Variants in PTPRM observed in about 807,000 individuals in gnomAD.
PTPRM encodes the protein receptor-type tyrosine-protein phosphatase mu.
Under a neutral mutation model 186.7 loss-of-function variants are expected in PTPRM, and 47 were observed. The observed-to-expected ratio is 0.25, with a 90% CI of 0.20 to 0.32. PTPRM has a LOEUF of 0.32. PTPRM is among the 10% of genes least tolerant of loss of function. The pLI is 1.00. For missense variants in PTPRM, 1,494 were observed against 1,865.0 expected (o/e 0.80, Z 3.66); for synonymous variants, 668 against 674.9 (o/e 0.99, Z 0.16).
rs570470621 is a variant in PTPRM, at chr18:7,590,929, T to C, written c.73+23038T>C. Among the ~76,000 whole-genome samples, 3 of 152,364 alleles carry C rather than the reference T, an allele frequency of 2.0e-5. No individual in the cohort carries two copies. The South Asian group carries it at 6.2e-4, about 32-fold the overall frequency. On this transcript the variant is annotated intron_variant, in intron 1 of 32. Coordinates refer to ENST00000580170, the MANE Select transcript of PTPRM (RefSeq NM_001105244.2). ...CCATCTTATGATGAGAGAAAGTTAC[T>C]TAAAATAGCTATTATGTGAATTTTG...
chr18:7,735,703 A>C (rs2040754662), intron 1 of PTPRM, among the ~76,000 whole-genome samples: 1 of 152,162 alleles, frequency 6.6e-6, no homozygotes, highest in African/African-American at 2.4e-5. Context: ...AAAGAGATTA[A>C]CTAATAGTCT....
At chr18:7,653,234 C>T (rs1463638718) in intron 1 of PTPRM, among the ~76,000 whole-genome samples, 2 of 151,758 alleles carry the variant, frequency 1.3e-5, no homozygotes, top group African/African-American at 4.8e-5. Flanking sequence ...GCTTTCTCGA[C>T]CTCCTGAGCT....
chr18:8,025,515 A>G lies in PTPRM; in HGVS notation c.1133-44171A>G, dbSNP rs190990165. Among the ~76,000 whole-genome samples, 371 of 152,352 alleles carry G rather than the reference A, an allele frequency of 2.4e-3. 3 individuals carry two copies. The highest frequency in any genetic ancestry group is 8.4e-3 in the African/African-American group (351 of 41,586). The stretch of plus-strand genomic sequence containing the variant: ...TGTCTTGTCTTTAAACCTTCTGGTA[A>G]AAGGTGAATACACTCAAGGAAGGTG... On this transcript the variant is annotated intron_variant, in intron 7 of 32. Transcript: ENST00000580170.
At chr18:8,219,752 G>A (rs2094133698) in intron 14 of PTPRM, among the ~76,000 whole-genome samples, 2 of 152,218 alleles carry the variant, frequency 1.3e-5, no homozygotes, top group African/African-American at 4.8e-5. Flanking sequence ...AAAACTTGGA[G>A]TTAGCAGAAA....
chr18:8,301,422 A>G (rs1219315712), intron 20 of PTPRM, among the ~76,000 whole-genome samples: 1 of 152,188 alleles, frequency 6.6e-6, no homozygotes, highest in Non-Finnish European at 1.5e-5. Context: ...CTCTAAGCTT[A>G]AGGCACACAC....
At chr18:8,164,207 ATT>A (rs1267453226) in intron 14 of PTPRM, among the ~76,000 whole-genome samples, 3 of 152,194 alleles carry the variant, frequency 2.0e-5, no homozygotes, top group African/African-American at 7.2e-5. Context: ...TAATTTTGTG[ATT>A]TGGCAAATAC....
chr18:7,804,586 C>T (rs1025216299), intron 2 of PTPRM, among the ~76,000 whole-genome samples: 1 of 152,178 alleles, frequency 6.6e-6, no homozygotes, highest in Non-Finnish European at 1.5e-5. Flanking sequence ...TTGTTCTCTA[C>T]AGATGGGCCT....
At chr18:8,087,822 A>G (rs2090508745) in intron 10 of PTPRM, among the ~76,000 whole-genome samples, 1 of 152,118 alleles carries the variant, frequency 6.6e-6, no homozygotes, top group South Asian at 2.1e-4. Flanking sequence ...CAAGAAAACG[A>G]CCTCTAGCTT....
At position 7,914,538 on chromosome 18, in the gene PTPRM, T is replaced by A. The variant is rs184108733; in HGVS notation, c.547+7955T>A. Reference sequence around the variant, plus strand: ...TAATGTTTTTCTCACTGAGTAAATATAGGGATTACATTAGTTAATGTACAT... The same window carrying A: ...TAATGTTTTTCTCACTGAGTAAATAAAGGGATTACATTAGTTAATGTACAT... On this transcript the variant is annotated intron_variant, in intron 4 of 32. Coordinates refer to ENST00000580170, the MANE Select transcript of PTPRM (RefSeq NM_001105244.2). Among the ~76,000 whole-genome samples the A allele has an allele frequency of 4.8e-3, 725 of 152,242 alleles. 3 individuals carry two copies. Among genetic ancestry groups the A allele is most frequent in the South Asian group, 0.018 (87 of 4,820 alleles).
intron 21 of PTPRM, among the ~76,000 whole-genome samples, chr18:8,318,753 A>G (rs1417849448): frequency 6.6e-6 from 1 of 152,264 alleles, no homozygotes; most frequent in Non-Finnish European, 1.5e-5. Context: ...TTTGAGGATC[A>G]CTATTGATAT....
At chr18:8,038,105 C>T (rs1208319306) in intron 7 of PTPRM, among the ~76,000 whole-genome samples, 3 of 152,070 alleles carry the variant, frequency 2.0e-5, no homozygotes, top group Non-Finnish European at 2.9e-5. Flanking sequence ...ATGAAGATGT[C>T]TCCCCAAATA....
chr18:8,138,629 A>G (rs59147055), intron 13 of PTPRM, among the ~76,000 whole-genome samples: 14 of 152,270 alleles, frequency 9.2e-5, no homozygotes, highest in African/African-American at 2.9e-4. Context: ...AGACCAGCGC[A>G]TCTGCCAAGA....
Position 8,193,584 on chromosome 18 carries a change from C to A in PTPRM, c.2300+49805C>A, listed in dbSNP as rs532027407. Among the ~76,000 whole-genome samples the A allele has an allele frequency of 2.6e-5, 4 of 152,360 alleles. No homozygotes were observed. In the South Asian group the frequency reaches 8.3e-4, roughly 32 times the overall value. ...GGCCAGATGCCCTCCCCACAGGGGC[C>A]TCTCGCGCAGACTCAGGGAGCTTTG... On this transcript the variant is annotated intron_variant, in intron 14 of 32. Coordinates refer to ENST00000580170, the MANE Select transcript of PTPRM (RefSeq NM_001105244.2).
intron 1 of PTPRM, among the ~76,000 whole-genome samples, chr18:7,678,675 C>T (rs572947836): frequency 1.3e-5 from 2 of 152,250 alleles, no homozygotes; most frequent in East Asian, 3.9e-4. Context: ...TATGTCATAC[C>T]GTACTTACCA....
intron 2 of PTPRM, among the ~76,000 whole-genome samples, chr18:7,881,687 C>G (rs1319241062): frequency 6.6e-6 from 1 of 152,010 alleles, no homozygotes; most frequent in South Asian, 2.1e-4. Context: ...CACTGGTGGC[C>G]CATTTTGTTC....
intron 29 of PTPRM, 137 bp downstream of exon 29, chr18:8,380,564 G>A: frequency 9.7e-7 from 1 of 1,035,204 alleles, no homozygotes; most frequent in Non-Finnish European, 1.4e-6. Context: ...AACTGGGGAT[G>A]CTGAACACAA....
intron 20 of PTPRM, among the ~76,000 whole-genome samples, chr18:8,312,637 C>T (rs556824687): frequency 3.9e-5 from 6 of 152,128 alleles, no homozygotes; most frequent in Admixed American, 1.3e-4. Flanking sequence ...CATTTTACAG[C>T]GAAGGAAGCA....
chr18:7,697,091 C>T (rs1170529079), intron 1 of PTPRM, among the ~76,000 whole-genome samples: 4 of 152,142 alleles, frequency 2.6e-5, no homozygotes, highest in African/African-American at 9.7e-5. Context: ...TAGCATATAC[C>T]AAACAGCATT....
intron 32 of PTPRM, among the ~76,000 whole-genome samples, chr18:8,402,289 C>T (rs1375262558): frequency 6.6e-6 from 1 of 152,160 alleles, no homozygotes; most frequent in Non-Finnish European, 1.5e-5. Context: ...ATCACAGAAT[C>T]TATGGGGACT....
Sources: allele counts gnomAD v4.1 joint callset (sites outside exome capture counted in the v4.1 genomes callset), GRCh38; gene constraint gnomAD v4.1.1; transcripts MANE v1.5; gene names NCBI Gene and HGNC (gene_info 2026-07-23, HGNC 2026-07-21).